ADAMTS20: variants seen among roughly 807,000 people sequenced by gnomAD.
ADAMTS20 encodes the protein ADAM metallopeptidase with thrombospondin type 1 motif 20.
A neutral mutation model predicts 260.1 loss-of-function variants in ADAMTS20; 225 were observed. That is an observed-to-expected ratio of 0.87 (90% CI 0.78 to 0.97). The LOEUF (loss-of-function observed/expected upper bound fraction) is 0.97, where lower values mean the gene tolerates loss of function less well. Ranked by LOEUF, ADAMTS20 falls within the 50% of genes least tolerant of loss-of-function variation. The probability of loss-of-function intolerance (pLI) is 0.00; values close to 1 mark genes in which losing one functional copy is unlikely to be tolerated. For synonymous variants in ADAMTS20, 802 were observed against 769.5 expected (o/e 1.04, Z -0.70); for missense variants, 2,400 against 2,337.7 (o/e 1.03, Z -0.55).
chr12:43,363,659 G>C (rs960866399), intron 37 of ADAMTS20, among the ~76,000 whole-genome samples: 1 of 152,180 alleles, frequency 6.6e-6, no homozygotes, highest in Non-Finnish European at 1.5e-5. Context: ...AGCTTATTTG[G>C]AATAAAACCT....
At chr12:43,522,566 C>T (rs529911056) in intron 3 of ADAMTS20, among the ~76,000 whole-genome samples, 1 of 152,224 alleles carries the variant, frequency 6.6e-6, no homozygotes, top group Non-Finnish European at 1.5e-5. Context: ...TCCTGAGGAA[C>T]ACAGACTGGT....
intron 3 of ADAMTS20, among the ~76,000 whole-genome samples, chr12:43,528,347 G>GAAAAAA (rs1565583137): frequency 4.3e-4 from 1 of 2,306 alleles, no homozygotes; most frequent in African/African-American, 7.6e-4. Context: ...GCAATCCTAA[G>GAAAAAA]CAAAAAAAAA....
Position 43,511,203 on chromosome 12 carries a change from G to A in ADAMTS20, c.614-8798C>T, listed in dbSNP as rs116383123. ...GAATAATGAATACAAAATTAGACAC[G>A]GAGTCTCCCAAATGTTCCCGCTGTC... On this transcript the variant is annotated intron_variant, in intron 3 of 38. Transcript: ENST00000389420. Among the ~76,000 whole-genome samples, 701 of 151,990 alleles carry A rather than the reference G, an allele frequency of 4.6e-3. 6 individuals are homozygous for A. Among genetic ancestry groups the A allele is most frequent in the African/African-American group, 0.015 (638 of 41,464 alleles).
intron 3 of ADAMTS20, among the ~76,000 whole-genome samples, chr12:43,531,769 T>G (rs1475281643): frequency 6.6e-6 from 1 of 152,074 alleles, no homozygotes; most frequent in Non-Finnish European, 1.5e-5. Flanking sequence ...AAGAGTAGAT[T>G]TTAAGTGTTC....
At chr12:43,480,719 T>A (rs1942428345) in intron 7 of ADAMTS20, among the ~76,000 whole-genome samples, 1 of 152,036 alleles carries the variant, frequency 6.6e-6, no homozygotes, top group South Asian at 2.1e-4. Flanking sequence ...AAGACAAATA[T>A]CACATGATCT....
chr12:43,393,483 C>T (rs1052973503), intron 29 of ADAMTS20, among the ~76,000 whole-genome samples: 6 of 151,800 alleles, frequency 4.0e-5, no homozygotes, highest in Admixed American at 1.3e-4. Context: ...TAAATTTTAG[C>T]GAATCCACAG....
In ADAMTS20 at chr12:43,432,287, T is replaced by C; in HGVS notation, c.3096+17A>G. On this transcript the variant is annotated intron_variant, in intron 21 of 38. Transcript: ENST00000389420. ...CACAATATTTTAATAGTTCCAAGCA[T>C]CATGTGTTTAATGTACCTCGCTCCA... 2 of 1,608,504 alleles carry C rather than the reference T, an allele frequency of 1.2e-6. No homozygotes were observed. The highest frequency in any genetic ancestry group is 1.7e-6 in the Non-Finnish European group (2 of 1,176,780).
chr12:43,543,528 T>C (rs1369381482), intron 2 of ADAMTS20, among the ~76,000 whole-genome samples: 1 of 152,218 alleles, frequency 6.6e-6, no homozygotes, highest in African/African-American at 2.4e-5. Context: ...TTTTAATTCA[T>C]ATTTTTCCAA....
chr12:43,501,475 G>GCACACACA (rs1353322850), intron 4 of ADAMTS20, among the ~76,000 whole-genome samples: 19 of 59,116 alleles, frequency 3.2e-4, no homozygotes, highest in South Asian at 2.0e-3. Context: ...GCGCGCGCGC[G>GCACACACA]CGCGCGCACA....
chr12:43,378,724 G>A (rs1372039856), intron 31 of ADAMTS20, among the ~76,000 whole-genome samples: 1 of 152,156 alleles, frequency 6.6e-6, no homozygotes, highest in Non-Finnish European at 1.5e-5. Flanking sequence ...TGGAAAATAA[G>A]ACTCATAATG....
intron 2 of ADAMTS20, among the ~76,000 whole-genome samples, chr12:43,536,913 C>G (rs930390689): frequency 2.0e-5 from 3 of 152,114 alleles, no homozygotes; most frequent in African/African-American, 4.8e-5. Flanking sequence ...AATTCAGAAA[C>G]AAATTACTGA....
chr12:43,528,049 C>T (rs772272566), intron 3 of ADAMTS20, among the ~76,000 whole-genome samples: 11 of 152,100 alleles, frequency 7.2e-5, no homozygotes, highest in African/African-American at 9.6e-5. Flanking sequence ...CAAAAACAAT[C>T]AAGCTGAGAG....
intron 7 of ADAMTS20, among the ~76,000 whole-genome samples, chr12:43,474,940 T>G (rs1217814790): frequency 9.4e-5 from 8 of 84,848 alleles, no homozygotes; most frequent in African/African-American, 3.4e-4. Flanking sequence ...AAGACAGGGA[T>G]GCCCTCTCTC....
chr12:43,444,584 C>T (rs748474301), intron 15 of ADAMTS20, among the ~76,000 whole-genome samples: 13 of 152,016 alleles, frequency 8.6e-5, no homozygotes, highest in East Asian at 1.9e-4. Context: ...AAAGAGGAAA[C>T]ATTTTATCTA....
intron 28 of ADAMTS20, among the ~76,000 whole-genome samples, chr12:43,408,685 A>T (rs1185721990): frequency 2.0e-5 from 3 of 152,232 alleles, no homozygotes; most frequent in African/African-American, 7.2e-5. Context: ...ATGTAAAAAA[A>T]GCTGAGGGGA....
chr12:43,446,057 A>C (rs1234332707), intron 15 of ADAMTS20, among the ~76,000 whole-genome samples: 1 of 152,206 alleles, frequency 6.6e-6, no homozygotes, highest in Non-Finnish European at 1.5e-5. Context: ...TGGAAAATCA[A>C]ATGTGACAAT....
chr12:43,530,917 G>C (rs1455570492), intron 3 of ADAMTS20, among the ~76,000 whole-genome samples: 1 of 151,566 alleles, frequency 6.6e-6, no homozygotes, highest in African/African-American at 2.4e-5. Flanking sequence ...TCATAGATTG[G>C]TGAAACTATA....
At chr12:43,539,185 T>G (rs1943340135) in intron 2 of ADAMTS20, among the ~76,000 whole-genome samples, 1 of 152,042 alleles carries the variant, frequency 6.6e-6, no homozygotes, top group Admixed American at 6.6e-5. Context: ...ACTCCTGACC[T>G]CGTGATCCAC....
chr12:43,543,855 C>A (rs1231923542), intron 2 of ADAMTS20, among the ~76,000 whole-genome samples: 1 of 152,060 alleles, frequency 6.6e-6, no homozygotes, highest in Non-Finnish European at 1.5e-5. Flanking sequence ...GTTTGCGTCA[C>A]CTTTGGGCTG....
Sources: gnomAD v4.1 joint callset for allele counts (sites outside exome capture counted in the v4.1 genomes callset) on GRCh38, gnomAD v4.1.1 for gene constraint, MANE v1.5 for transcripts, NCBI Gene and HGNC (gene_info 2026-07-23, HGNC 2026-07-21) for gene names.